Variants in CACNA1C observed in about 807,000 individuals in gnomAD.
The protein encoded by CACNA1C is calcium voltage-gated channel subunit alpha1 C, also known as voltage-dependent L-type calcium channel subunit alpha-1C.
A neutral mutation model predicts 229.0 loss-of-function variants in CACNA1C; 30 were observed. The observed-to-expected ratio is 0.13, with a 90% confidence interval of 0.10 to 0.18. The LOEUF is 0.18. Among genes scored for constraint, CACNA1C ranks in the 10% least tolerant of loss-of-function variants. The pLI is 1.00. For missense variants in CACNA1C, 1,658 were observed against 2,845.0 expected, an observed-to-expected ratio of 0.58 and a Z score of 9.49; for synonymous variants, 1,114 against 1,132.5, an observed-to-expected ratio of 0.98 and a Z score of 0.33.
intron 3 of CACNA1C, among the ~76,000 whole-genome samples, chr12:2,307,839 A>G (rs1386408224): frequency 2.6e-5 from 4 of 152,214 alleles, no homozygotes; most frequent in East Asian, 3.9e-4. Context: ...GCGGCTGCCC[A>G]CTATTGCAGA....
intron 3 of CACNA1C, among the ~76,000 whole-genome samples, chr12:2,391,867 G>T (rs1381182537): frequency 6.6e-6 from 1 of 152,214 alleles, no homozygotes; most frequent in Non-Finnish European, 1.5e-5. Context: ...AAAATGTAAA[G>T]TTCAGTTCCT....
intron 3 of CACNA1C, among the ~76,000 whole-genome samples, chr12:2,314,212 C>A (rs1039561149): frequency 5.3e-5 from 8 of 152,182 alleles, no homozygotes; most frequent in Non-Finnish European, 8.8e-5. Context: ...TGTTCCAGGG[C>A]CCCCTATACT....
rs561857226 is a variant in CACNA1C at position 2,626,610 on chromosome 12, T to C, written c.3829-7687T>C. Reference sequence around the variant, plus strand: ...GCCTTATCCCTCTCCAAGGAGGCATTGATTCAGCACCCTAGTCCTGGAGGC... The same window carrying C: ...GCCTTATCCCTCTCCAAGGAGGCATCGATTCAGCACCCTAGTCCTGGAGGC... On this transcript the variant is annotated intron_variant, in intron 29 of 46. Coordinates refer to ENST00000399655, the MANE Select transcript of CACNA1C (RefSeq NM_000719.7). 3.3e-5 allele frequency among the ~76,000 whole-genome samples: 5 copies of C among 152,292 alleles called. No homozygotes were observed. The East Asian group carries it at 9.7e-4, about 29-fold the overall frequency.
rs562642403 is a variant in CACNA1C, at chr12:2,198,331, A to C, written c.477+77901A>C. Among the ~76,000 whole-genome samples, 11 of 152,188 alleles carry C rather than the reference A, an allele frequency of 7.2e-5. No individual in the cohort carries two copies. The South Asian group carries it at 2.3e-3, about 32-fold the overall frequency. On this transcript the variant is annotated intron_variant, in intron 3 of 46. Transcript: ENST00000399655. The stretch of plus-strand genomic sequence containing the variant: ...CCTCCCCCCGGAGAGGCGGCTTCTG[A>C]GGAGGCTGCTGTTGGCGGCCAGGAG...
chr12:2,537,913 T>C (rs908180424), intron 9 of CACNA1C, among the ~76,000 whole-genome samples: 1 of 151,428 alleles, frequency 6.6e-6, no homozygotes, highest in Non-Finnish European at 1.5e-5. Flanking sequence ...GGAGAGGGAG[T>C]GTGCCAAAGT....
intron 3 of CACNA1C, among the ~76,000 whole-genome samples, chr12:2,427,439 T>A (rs192342614): frequency 1.1e-3 from 175 of 152,204 alleles, no homozygotes; most frequent in Non-Finnish European, 1.9e-3. Flanking sequence ...TTTGTACTGA[T>A]CAATAAAATC....
At position 2,654,864 on chromosome 12, in the gene CACNA1C, G is replaced by A. The variant is rs1031433158; in HGVS notation, c.4141-283G>A. On this transcript the variant is annotated intron_variant, in intron 33 of 46. Transcript: ENST00000399655. The surrounding 1 kb of genome is among the most constrained non-coding windows in gnomAD (Gnocchi z 4.4). ...TGTGTCCTGTCAGAAGCAGGATCCC[G>A]GTCCCAGCATCCACCGCTCTCAGCC... is the stretch of plus-strand genomic sequence containing the variant. Among the ~76,000 whole-genome samples the A allele has an allele frequency of 2.0e-5, 3 of 152,156 alleles. No individual in the cohort carries two copies. The highest frequency in any genetic ancestry group is 2.1e-4 in the South Asian group (1 of 4,820).
chr12:2,652,942 G>A (rs1050138819), intron 32 of CACNA1C, among the ~76,000 whole-genome samples: 4 of 152,260 alleles, frequency 2.6e-5, no homozygotes, highest in African/African-American at 7.2e-5. Context: ...CCGGGTGACT[G>A]CGAGGGCCTG....
At chr12:2,293,338 C>T (rs1483887360) in intron 3 of CACNA1C, among the ~76,000 whole-genome samples, 1 of 152,196 alleles carries the variant, frequency 6.6e-6, no homozygotes, top group Non-Finnish European at 1.5e-5. Context: ...GGCCAATTCT[C>T]ATCTGACTGG....
chr12:2,538,736 A>G (rs1057268633), intron 9 of CACNA1C, among the ~76,000 whole-genome samples: 2 of 152,206 alleles, frequency 1.3e-5, no homozygotes, highest in Non-Finnish European at 2.9e-5. Context: ...TCATCTATCC[A>G]CTTGACAATA....
chr12:2,033,500 C>T (rs1174706089), intron 1 of CACNA1C, among the ~76,000 whole-genome samples: 1 of 152,176 alleles, frequency 6.6e-6, no homozygotes. Flanking sequence ...ATCTCCACTC[C>T]TCTGGGCTAT....
At chr12:2,644,836 C>A (rs752716883) in intron 30 of CACNA1C, among the ~76,000 whole-genome samples, 16 of 152,178 alleles carry the variant, frequency 1.1e-4, no homozygotes, top group Non-Finnish European at 1.8e-4. Context: ...CTGCCCTGCA[C>A]CACTCCCCTC....
intron 13 of CACNA1C, among the ~76,000 whole-genome samples, chr12:2,578,283 G>A (rs1248699536): frequency 2.0e-5 from 3 of 152,182 alleles, no homozygotes; most frequent in Non-Finnish European, 4.4e-5. Context: ...ACCTGCGGAC[G>A]GACAGCAGCA....
chr12:2,593,431 T>A (rs1224634754), intron 19 of CACNA1C, 86 bp downstream of exon 19: 41 of 1,429,292 alleles, frequency 2.9e-5, no homozygotes, highest in Non-Finnish European at 3.9e-5. Context: ...AACCTCTGGA[T>A]GGAGACTGAG....
At chr12:2,312,909 C>G (rs2095510002) in intron 3 of CACNA1C, among the ~76,000 whole-genome samples, 1 of 152,130 alleles carries the variant, frequency 6.6e-6, no homozygotes, top group Non-Finnish European at 1.5e-5. Context: ...TACTAGAAAT[C>G]TTATTCATTA....
chr12:2,681,242 G>A (rs1320653831), intron 42 of CACNA1C, among the ~76,000 whole-genome samples: 1 of 152,182 alleles, frequency 6.6e-6, no homozygotes, highest in African/African-American at 2.4e-5. Flanking sequence ...GCTGGGGGAG[G>A]AGACCCCAGG....
At chr12:2,110,886 C>A (rs1312801175) in intron 1 of CACNA1C, among the ~76,000 whole-genome samples, 1 of 151,368 alleles carries the variant, frequency 6.6e-6, no homozygotes, top group Admixed American at 6.6e-5. Context: ...GGGAAAATTA[C>A]TTGGAGAAGG....
At chr12:2,584,363 G>A (rs1308279816) in intron 15 of CACNA1C, 140 bp from the exon 16 acceptor site, 13 of 632,462 alleles carry the variant, frequency 2.1e-5, no homozygotes, top group Non-Finnish European at 3.8e-5. Context: ...CACTGTTGGG[G>A]TCTGACTCCC....
At chr12:2,671,277 T>A (rs191811610) in intron 38 of CACNA1C, among the ~76,000 whole-genome samples, 1 of 152,102 alleles carries the variant, frequency 6.6e-6, no homozygotes, top group African/African-American at 2.4e-5. Flanking sequence ...CCTCCCAAAG[T>A]GCTGGGATGA....
Sources: gnomAD v4.1 joint callset for allele counts (sites outside exome capture counted in the v4.1 genomes callset) on GRCh38, gnomAD v4.1.1 for gene constraint, Gnocchi (gnomAD v3.1) non-coding constraint, MANE v1.5 for transcripts, NCBI Gene and HGNC (gene_info 2026-07-23, HGNC 2026-07-21) for gene names.